Variants in IMMP2L observed in about 807,000 individuals in gnomAD.
IMMP2L encodes mitochondrial inner membrane protease subunit 2.
A neutral mutation model predicts 19.3 loss-of-function variants in IMMP2L; 18 were observed. The observed-to-expected ratio is 0.93, with a 90% confidence interval of 0.64 to 1.38. IMMP2L has a LOEUF of 1.38. Among genes scored for constraint, IMMP2L ranks in the 40% most tolerant of loss-of-function variants. The probability of loss-of-function intolerance (pLI) is 0.00; values close to 1 mark genes in which losing one functional copy is unlikely to be tolerated. For missense variants in IMMP2L, 233 were observed against 218.2 expected (o/e 1.07, Z -0.43); for synonymous variants, 76 against 73.0 (o/e 1.04, Z -0.21).
intron 3 of IMMP2L, among the ~76,000 whole-genome samples, chr7:111,102,621 A>C (rs1586277483): frequency 6.6e-6 from 1 of 151,626 alleles, no homozygotes. Context: ...AAAATTACTA[A>C]ATGGAAGCCC....
intron 3 of IMMP2L, among the ~76,000 whole-genome samples, chr7:111,359,207 C>T (rs936227160): frequency 1.3e-5 from 2 of 152,080 alleles, no homozygotes; most frequent in Non-Finnish European, 2.9e-5. Flanking sequence ...TTTTCTGCAA[C>T]GTAGATCTGA....
chr7:111,240,205 T>A (rs1814838318), intron 3 of IMMP2L, among the ~76,000 whole-genome samples: 1 of 151,954 alleles, frequency 6.6e-6, no homozygotes, highest in Admixed American at 6.6e-5. Flanking sequence ...CAAAAATCAA[T>A]GTCACACTAG....
At chr7:110,903,701 G>T (rs903079026) in intron 4 of IMMP2L, among the ~76,000 whole-genome samples, 1 of 152,002 alleles carries the variant, frequency 6.6e-6, no homozygotes, top group African/African-American at 2.4e-5. Flanking sequence ...GATGTGAAAA[G>T]TGCTAAAATG....
At chr7:110,906,965 A>G (rs1385580193) in intron 4 of IMMP2L, among the ~76,000 whole-genome samples, 1 of 151,878 alleles carries the variant, frequency 6.6e-6, no homozygotes, top group Non-Finnish European at 1.5e-5. Flanking sequence ...AGCACAGGTG[A>G]GCAGGTACAG....
At chr7:111,470,980 C>A (rs1841207967) in intron 3 of IMMP2L, among the ~76,000 whole-genome samples, 1 of 151,984 alleles carries the variant, frequency 6.6e-6, no homozygotes, top group Middle Eastern at 3.4e-3. Context: ...ATGTAATATA[C>A]AACAAAGGGC....
At chr7:111,335,959 C>A (rs906254533) in intron 3 of IMMP2L, among the ~76,000 whole-genome samples, 8 of 151,960 alleles carry the variant, frequency 5.3e-5, no homozygotes, top group African/African-American at 1.9e-4. Flanking sequence ...AGGGTAAGAA[C>A]GTTCTTGTAC....
intron 3 of IMMP2L, among the ~76,000 whole-genome samples, chr7:111,474,025 T>C (rs1236935764): frequency 1.3e-5 from 2 of 151,992 alleles, no homozygotes; most frequent in South Asian, 4.1e-4. Flanking sequence ...TGCAACAACA[T>C]GAACGCAGAT....
intron 3 of IMMP2L, among the ~76,000 whole-genome samples, chr7:111,425,451 T>C (rs1835981043): frequency 6.6e-6 from 1 of 151,184 alleles, no homozygotes; most frequent in African/African-American, 2.4e-5. Context: ...TGAACTCTAG[T>C]TAACAATACG....
At chr7:111,031,562 AGCC>A (rs1563177338) in intron 3 of IMMP2L, among the ~76,000 whole-genome samples, 2 of 152,188 alleles carry the variant, frequency 1.3e-5, no homozygotes, top group African/African-American at 4.8e-5. Flanking sequence ...AATATCCACA[AGCC>A]TACACAGATA....
chr7:111,541,799 A>G (rs1328049016), intron 1 of IMMP2L, among the ~76,000 whole-genome samples: 2 of 152,128 alleles, frequency 1.3e-5, no homozygotes, highest in Non-Finnish European at 2.9e-5. Flanking sequence ...AGTTTCTCAG[A>G]ACCTAATGTA....
intron 2 of IMMP2L, among the ~76,000 whole-genome samples, chr7:111,498,755 T>G (rs1843844575): frequency 6.6e-6 from 1 of 152,124 alleles, no homozygotes; most frequent in Non-Finnish European, 1.5e-5. Flanking sequence ...AGTTCTTCAT[T>G]GTTGAACCTG....
chr7:111,481,804 T>G (rs1014699135), intron 3 of IMMP2L, among the ~76,000 whole-genome samples: 1 of 152,182 alleles, frequency 6.6e-6, no homozygotes, highest in Non-Finnish European at 1.5e-5. Flanking sequence ...GATACAGCAG[T>G]GTACAATGGG....
intron 3 of IMMP2L, among the ~76,000 whole-genome samples, chr7:111,073,076 A>G (rs1795096732): frequency 6.6e-6 from 1 of 152,208 alleles, no homozygotes; most frequent in Admixed American, 6.5e-5. Flanking sequence ...GATGTTAAAT[A>G]TACTGAATTT....
rs1474209149 is a variant in IMMP2L at position 111,562,422 on chromosome 7, C to CT, written c.-575_-574insA. On this transcript the variant is annotated 5_prime_UTR_variant, in exon 1 of 6. Coordinates refer to ENST00000405709, the MANE Select transcript of IMMP2L (RefSeq NM_032549.4). ...CCGCCGACCCCTGCCAGCCTCACAGCCCCCCACCCGCCGCCGGACGCCGGG... is the reference window on the plus strand; with the variant it reads ...CCGCCGACCCCTGCCAGCCTCACAGCTCCCCCACCCGCCGCCGGACGCCGGG... 2 of 125,106 alleles carry CT rather than the reference C, an allele frequency of 1.6e-5. No individual in the cohort carries two copies. The highest frequency in any genetic ancestry group is 6.7e-5 in the African/African-American group (2 of 29,668). 7.7% of individuals were successfully genotyped at this position (125,106 alleles called of 1,614,324 possible).
At chr7:111,422,931 G>T (rs1401229768) in intron 3 of IMMP2L, among the ~76,000 whole-genome samples, 2 of 151,688 alleles carry the variant, frequency 1.3e-5, no homozygotes, top group Non-Finnish European at 2.9e-5. Context: ...GCATGAAGGG[G>T]TGTTGAATTT....
At chr7:111,229,191 G>T (rs1009765143) in intron 3 of IMMP2L, among the ~76,000 whole-genome samples, 2 of 151,830 alleles carry the variant, frequency 1.3e-5, no homozygotes, top group African/African-American at 4.8e-5. Context: ...TAATCAAATA[G>T]AAACACAAAT....
At chr7:111,331,606 T>G (rs528566040) in intron 3 of IMMP2L, among the ~76,000 whole-genome samples, 3 of 152,086 alleles carry the variant, frequency 2.0e-5, no homozygotes, top group African/African-American at 4.8e-5. Flanking sequence ...ATTGAATATG[T>G]TGTTAACTAA....
intron 3 of IMMP2L, among the ~76,000 whole-genome samples, chr7:111,080,096 C>A (rs1336483035): frequency 1.3e-5 from 2 of 152,070 alleles, no homozygotes; most frequent in Non-Finnish European, 2.9e-5. Context: ...GACTAAGACA[C>A]AATTCCTTTG....
chr7:110,952,182 G>T (rs1321731040), intron 4 of IMMP2L, among the ~76,000 whole-genome samples: 2 of 152,050 alleles, frequency 1.3e-5, no homozygotes, highest in African/African-American at 4.8e-5. Flanking sequence ...TCAAAGGAAG[G>T]TACAAAAGTT....
Sources: allele counts gnomAD v4.1 joint callset (sites outside exome capture counted in the v4.1 genomes callset), GRCh38; gene constraint gnomAD v4.1.1; transcripts MANE v1.5; gene names NCBI Gene and HGNC (gene_info 2026-07-23, HGNC 2026-07-21).